The following HS6ST3 variants were observed in gnomAD, a reference collection of about 807,000 sequenced individuals.
HS6ST3 encodes the protein heparan sulfate 6-O-sulfotransferase 3, also known as heparan-sulfate 6-O-sulfotransferase 3.
Under a neutral mutation model 36.7 loss-of-function variants are expected in HS6ST3, and 12 were observed. The ratio of observed to expected loss-of-function variants is 0.33; its 90% CI spans 0.21 to 0.53. The LOEUF (loss-of-function observed/expected upper bound fraction) is 0.53. Ranked by LOEUF, HS6ST3 falls within the 20% of genes least tolerant of loss-of-function variation. The pLI, the probability that HS6ST3 is intolerant of heterozygous loss-of-function variation, is 0.95. For missense variants in HS6ST3, 584 were observed against 640.9 expected, an observed-to-expected ratio of 0.91 and a Z score of 0.96; for synonymous variants, 240 against 257.5, an observed-to-expected ratio of 0.93 and a Z score of 0.65.
At chr13:96,427,509 G>A (rs962785413) in intron 1 of HS6ST3, among the ~76,000 whole-genome samples, 1 of 151,644 alleles carries the variant, frequency 6.6e-6, no homozygotes, top group African/African-American at 2.4e-5. Context: ...TATATTATTA[G>A]TCATAGTACA....
At chr13:96,219,631 T>A (rs1315314169) in intron 1 of HS6ST3, among the ~76,000 whole-genome samples, 1 of 152,222 alleles carries the variant, frequency 6.6e-6, no homozygotes, top group East Asian at 1.9e-4. Context: ...TTGATAAAAG[T>A]GTGGACGATG....
chr13:96,388,205 G>A (rs1450229406), intron 1 of HS6ST3, among the ~76,000 whole-genome samples: 4 of 152,158 alleles, frequency 2.6e-5, no homozygotes, highest in Non-Finnish European at 4.4e-5. Flanking sequence ...AATTCTATAT[G>A]GCTATCCAGA....
chr13:96,151,538 A>T (rs1194379782), intron 1 of HS6ST3, among the ~76,000 whole-genome samples: 3 of 152,164 alleles, frequency 2.0e-5, no homozygotes, highest in Non-Finnish European at 2.9e-5. Flanking sequence ...TTTGGTGGAG[A>T]GATTATAGTT....
chr13:96,428,729 G>A (rs2055599652), intron 1 of HS6ST3, among the ~76,000 whole-genome samples: 1 of 152,168 alleles, frequency 6.6e-6, no homozygotes, highest in African/African-American at 2.4e-5. Context: ...TATCAAGTAA[G>A]AACATAGACT....
intron 1 of HS6ST3, among the ~76,000 whole-genome samples, chr13:96,777,021 G>C (rs1877403685): frequency 1.3e-5 from 2 of 152,334 alleles, no homozygotes; most frequent in Admixed American, 1.3e-4. Context: ...TCCCTGGGAT[G>C]CAAGGCTGGT....
intron 1 of HS6ST3, among the ~76,000 whole-genome samples, chr13:96,625,472 T>C (rs2056508928): frequency 6.6e-6 from 1 of 152,160 alleles, no homozygotes; most frequent in Non-Finnish European, 1.5e-5. Context: ...CAATTTACAT[T>C]CCTGACAGTC....
At chr13:96,378,047 C>A (rs1315959682) in intron 1 of HS6ST3, among the ~76,000 whole-genome samples, 1 of 152,074 alleles carries the variant, frequency 6.6e-6, no homozygotes, top group Non-Finnish European at 1.5e-5. Flanking sequence ...TGTCATCTGA[C>A]AGTTTTGGGG....
At chr13:96,380,313 T>G (rs2055335056) in intron 1 of HS6ST3, among the ~76,000 whole-genome samples, 1 of 151,274 alleles carries the variant, frequency 6.6e-6, no homozygotes, top group Non-Finnish European at 1.5e-5. Flanking sequence ...TTGCCCAGGC[T>G]GGAGTGCAAT....
At chr13:96,433,066 C>A (rs1204800278) in intron 1 of HS6ST3, among the ~76,000 whole-genome samples, 3 of 152,100 alleles carry the variant, frequency 2.0e-5, no homozygotes, top group Admixed American at 1.3e-4. Flanking sequence ...AGTCATAAAC[C>A]AAATTTGTTC....
intron 1 of HS6ST3, among the ~76,000 whole-genome samples, chr13:96,712,748 A>C (rs1875593488): frequency 6.6e-6 from 1 of 152,040 alleles, no homozygotes; most frequent in African/African-American, 2.4e-5. Flanking sequence ...CAAGAATCTG[A>C]TGCAAATTCT....
intron 1 of HS6ST3, among the ~76,000 whole-genome samples, chr13:96,803,565 T>G (rs1035433149): frequency 5.9e-5 from 9 of 152,170 alleles, no homozygotes; most frequent in Non-Finnish European, 8.8e-5. Flanking sequence ...TTTGTTTTGT[T>G]TTTCTCTTTT....
chr13:96,698,637 C>G (rs1321933748), intron 1 of HS6ST3, among the ~76,000 whole-genome samples: 1 of 152,188 alleles, frequency 6.6e-6, no homozygotes, highest in Admixed American at 6.5e-5. Context: ...ACATTCCATG[C>G]TCATGGATAG....
rs571147073 is a variant in HS6ST3, at chr13:96,770,450, T to C, written c.708-62040T>C. ...CATGTTCTTCTTACATGCCTGCTTT[T>C]TGGAACCAAGTGATTCTTAATTGGA... On this transcript the variant is annotated intron_variant, in intron 1 of 1. Transcript: ENST00000376705. Among the ~76,000 whole-genome samples, 3 of 152,354 alleles carry C rather than the reference T, an allele frequency of 2.0e-5. No homozygotes were observed. In the South Asian group the frequency reaches 6.2e-4, roughly 32 times the overall value.
intron 1 of HS6ST3, among the ~76,000 whole-genome samples, chr13:96,103,941 A>G (rs2053829274): frequency 9.1e-6 from 1 of 110,126 alleles, no homozygotes; most frequent in Non-Finnish European, 1.9e-5. Context: ...GGCATAGATC[A>G]AGGTTTGAGG....
In HS6ST3 at chr13:96,368,502, C is replaced by CT. The variant is rs377112513; in HGVS notation, c.707+276943dup. Among the ~76,000 whole-genome samples, 1,066 of 141,638 alleles carry CT rather than the reference C, an allele frequency of 7.5e-3. 10 individuals are homozygous for CT. Among genetic ancestry groups the CT allele is most frequent in the African/African-American group, 0.026 (1,000 of 37,782 alleles). The allele number at this position is 141,638 out of a possible 152,430, so 92.9% of individuals were successfully genotyped here. On this transcript the variant is annotated intron_variant, in intron 1 of 1. Transcript: ENST00000376705. Reference sequence around the variant, plus strand: ...TAGCCAGCAAGCCTGATATTCAGAGCTTTTTTTTTTAAAAAAAAAACATAA... The same window carrying CT: ...TAGCCAGCAAGCCTGATATTCAGAGCTTTTTTTTTTTAAAAAAAAAACATAA...
At chr13:96,372,983 C>G (rs2055297151) in intron 1 of HS6ST3, among the ~76,000 whole-genome samples, 1 of 152,124 alleles carries the variant, frequency 6.6e-6, no homozygotes. Flanking sequence ...TTGGCAGGAC[C>G]ATGCTCCTTC....
At chr13:96,138,805 G>A (rs1370003086) in intron 1 of HS6ST3, among the ~76,000 whole-genome samples, 2 of 152,060 alleles carry the variant, frequency 1.3e-5, no homozygotes, top group East Asian at 1.9e-4. Flanking sequence ...ACAGTGTTAT[G>A]TGGAAAAAAT....
At chr13:96,806,472 G>A (rs754916534) in intron 1 of HS6ST3, among the ~76,000 whole-genome samples, 2 of 152,184 alleles carry the variant, frequency 1.3e-5, no homozygotes, top group African/African-American at 4.8e-5. Context: ...ATGTGGAAAT[G>A]TGTCTCCTTC....
At chr13:96,618,758 C>T (rs780349111) in intron 1 of HS6ST3, among the ~76,000 whole-genome samples, 5 of 152,174 alleles carry the variant, frequency 3.3e-5, no homozygotes, top group Non-Finnish European at 7.3e-5. Flanking sequence ...TTGTCATTTA[C>T]ATTCAAGCCT....
Sources: gnomAD v4.1 joint callset for allele counts (sites outside exome capture counted in the v4.1 genomes callset) on GRCh38, gnomAD v4.1.1 for gene constraint, MANE v1.5 for transcripts, NCBI Gene and HGNC (gene_info 2026-07-23, HGNC 2026-07-21) for gene names.